Variants in ATP2B4 observed in about 807,000 individuals in gnomAD.
ATP2B4 encodes the protein plasma membrane calcium-transporting ATPase 4.
In ATP2B4, 39 loss-of-function variants were observed where a neutral mutation model predicts 110.3. The ratio of observed to expected loss-of-function variants is 0.35; its 90% CI spans 0.27 to 0.46. ATP2B4 has a LOEUF of 0.46. Among genes scored for constraint, ATP2B4 ranks in the 20% least tolerant of loss-of-function variants. The probability of loss-of-function intolerance (pLI) is 1.00; values close to 1 mark genes in which losing one functional copy is unlikely to be tolerated. For synonymous variants in ATP2B4, 538 were observed against 571.7 expected (o/e 0.94, Z 0.84); for missense variants, 1,135 against 1,530.9 (o/e 0.74, Z 4.32).
At chr1:203,694,712 G>T (rs999951826) in intron 2 of ATP2B4, among the ~76,000 whole-genome samples, 1 of 152,110 alleles carries the variant, frequency 6.6e-6, no homozygotes, top group East Asian at 1.9e-4. Flanking sequence ...CAGATGAATC[G>T]CATGTACTGC....
intron 11 of ATP2B4, among the ~76,000 whole-genome samples, chr1:203,709,986 G>C (rs1665959467): frequency 6.6e-6 from 1 of 152,182 alleles, no homozygotes; most frequent in African/African-American, 2.4e-5. Context: ...TACATAACAA[G>C]TACTAGAAAC....
At position 203,723,634 on chromosome 1, in the gene ATP2B4, C is replaced by A. The variant is rs76707130; in HGVS notation, c.3025-247C>A. ...CAAGAAGCCACCAGCTCCCCTAACT[C>A]CTCCAGATTGTCTGTTAATCATAGT... is the stretch of plus-strand genomic sequence containing the variant. On this transcript the variant is annotated intron_variant, in intron 18 of 20. Coordinates refer to ENST00000357681, the MANE Select transcript of ATP2B4 (RefSeq NM_001684.5). Among the ~76,000 whole-genome samples, 285 of 152,228 alleles carry A rather than the reference C, an allele frequency of 1.9e-3. 3 individuals are homozygous for A. In the East Asian group the frequency reaches 0.028, roughly 15 times the overall value.
intron 1 of ATP2B4, among the ~76,000 whole-genome samples, chr1:203,658,875 G>A (rs1057218981): frequency 6.6e-6 from 1 of 151,852 alleles, no homozygotes; most frequent in Admixed American, 6.6e-5. Flanking sequence ...GTGGTGGTGT[G>A]TGCCTGTAAT....
chr1:203,706,793 G>A (rs1428761292), intron 8 of ATP2B4, among the ~76,000 whole-genome samples: 4 of 152,176 alleles, frequency 2.6e-5, no homozygotes, highest in African/African-American at 7.2e-5. Context: ...GCAGTGCTGA[G>A]AATAGAACCT....
In ATP2B4 at chr1:203,698,272, T is replaced by C; in HGVS notation, c.309T>C (p.Asp103=). ...FLELVWEALQ[D]VTLIILEIAA... ...AATTAGTGTGGGAAGCTCTTCAAGA[T>C]GTCACGCTTATCATCCTGGAGATTG... The change falls in exon 3 of 21, where the codon GAT becomes GAC. Residue 103 remains aspartate, a synonymous_variant. Transcript: ENST00000357681. 1.9e-6 allele frequency: 3 copies of C among 1,614,198 alleles called. No homozygotes were observed. The highest frequency in any genetic ancestry group is 2.5e-6 in the Non-Finnish European group (3 of 1,180,022).
intron 1 of ATP2B4, chr1:203,657,846 G>C (rs1011704101): frequency 2.4e-6 from 1 of 423,690 alleles, no homozygotes; most frequent in Non-Finnish European, 4.2e-6. Flanking sequence ...CACGCAGGCC[G>C]GGACAGGAAA....
At chr1:203,719,350 C>G (rs1361840730) in intron 15 of ATP2B4, among the ~76,000 whole-genome samples, 1 of 151,180 alleles carries the variant, frequency 6.6e-6, no homozygotes, top group African/African-American at 2.4e-5. Context: ...CTGCTTCCCT[C>G]TTAATTCAAT....
intron 20 of ATP2B4, among the ~76,000 whole-genome samples, chr1:203,735,414 A>G (rs886456072): frequency 1.1e-4 from 17 of 152,166 alleles, no homozygotes; most frequent in African/African-American, 3.1e-4. Flanking sequence ...GAAGGAGTTT[A>G]TCTGTATTAA....
chr1:203,646,357 T>C (rs1663799847), intron 1 of ATP2B4, among the ~76,000 whole-genome samples: 1 of 152,182 alleles, frequency 6.6e-6, no homozygotes, highest in African/African-American at 2.4e-5. Flanking sequence ...CACGTGTCTG[T>C]AGTCCAGCAC....
chr1:203,717,480 A>G (rs879267122), intron 15 of ATP2B4, among the ~76,000 whole-genome samples: 3 of 151,972 alleles, frequency 2.0e-5, no homozygotes, highest in Non-Finnish European at 4.4e-5. Context: ...CCTCTTCAAC[A>G]TTGCTGAGTC....
chr1:203,707,449 A>G (rs554752669), intron 9 of ATP2B4, among the ~76,000 whole-genome samples: 1 of 144,530 alleles, frequency 6.9e-6, no homozygotes, highest in Non-Finnish European at 1.5e-5. Context: ...GGTATCTTGG[A>G]TTTTTTTTTT....
At chr1:203,636,233 T>C (rs1022438085) in intron 1 of ATP2B4, among the ~76,000 whole-genome samples, 1 of 152,218 alleles carries the variant, frequency 6.6e-6, no homozygotes, top group African/African-American at 2.4e-5. Context: ...GCCTGGAGCC[T>C]TCATGCCTGA....
At chr1:203,703,927 G>C (rs115760012) in intron 8 of ATP2B4, 114 bp downstream of exon 8, 6 of 1,375,780 alleles carry the variant, frequency 4.4e-6, no homozygotes, top group Non-Finnish European at 5.8e-6. Context: ...GAAACTTCAG[G>C]GTGGCTAGTT....
chr1:203,705,581 T>G (rs1434763921), intron 8 of ATP2B4, among the ~76,000 whole-genome samples: 1 of 152,224 alleles, frequency 6.6e-6, no homozygotes, highest in African/African-American at 2.4e-5. Flanking sequence ...TTTTGCCATT[T>G]TGGGCAGGCT....
intron 20 of ATP2B4, among the ~76,000 whole-genome samples, chr1:203,734,464 T>A (rs1666824373): frequency 6.6e-6 from 1 of 152,124 alleles, no homozygotes; most frequent in African/African-American, 2.4e-5. Flanking sequence ...ATCCCAACTT[T>A]AGGAGGCCGA....
intron 1 of ATP2B4, among the ~76,000 whole-genome samples, chr1:203,662,055 G>C (rs1204532609): frequency 6.7e-6 from 1 of 149,462 alleles, no homozygotes; most frequent in African/African-American, 2.5e-5. Context: ...TTGAGATGGA[G>C]TCTCACTCAG....
At chr1:203,729,631 C>A in intron 20 of ATP2B4, 1 of 938,030 alleles carries the variant, frequency 1.1e-6, no homozygotes, top group Non-Finnish European at 1.6e-6. Flanking sequence ...CTTTTTCTGT[C>A]TGCCAGAGAA....
chr1:203,665,433 T>C (rs1664474641), intron 1 of ATP2B4, among the ~76,000 whole-genome samples: 1 of 152,214 alleles, frequency 6.6e-6, no homozygotes, highest in South Asian at 2.1e-4. Context: ...GAGATGTTTC[T>C]GCCCTTCCTT....
At chr1:203,717,368 A>G (rs1666186517) in intron 15 of ATP2B4, among the ~76,000 whole-genome samples, 1 of 152,006 alleles carries the variant, frequency 6.6e-6, no homozygotes, top group African/African-American at 2.4e-5. Flanking sequence ...TTTTTTAAGT[A>G]TCATTACGAA....
Sources: allele counts gnomAD v4.1 joint callset (sites outside exome capture counted in the v4.1 genomes callset), GRCh38; gene constraint gnomAD v4.1.1; transcripts MANE v1.5; gene names NCBI Gene and HGNC (gene_info 2026-07-23, HGNC 2026-07-21).